Variants in HIBCH observed in about 807,000 individuals in gnomAD.
The protein encoded by HIBCH is 3-hydroxyisobutyryl-CoA hydrolase, mitochondrial.
A neutral mutation model predicts 58.2 loss-of-function variants in HIBCH; 50 were observed. That is an observed-to-expected ratio of 0.86 (90% CI 0.68 to 1.09). HIBCH has a LOEUF of 1.09. Ranked by LOEUF, HIBCH falls within the 50% of genes least tolerant of loss-of-function variation. The probability of loss-of-function intolerance (pLI) is 0.00; values close to 1 mark genes in which losing one functional copy is unlikely to be tolerated. For synonymous variants in HIBCH, 151 were observed against 146.9 expected, an observed-to-expected ratio of 1.03 and a Z score of -0.20; for missense variants, 450 against 449.7, an observed-to-expected ratio of 1.00 and a Z score of -0.01.
chr2:190,314,370 CGTATATATGTGT>C (rs1446531158), intron 1 of HIBCH, among the ~76,000 whole-genome samples: 1,962 of 83,690 alleles, frequency 0.023, 73 homozygotes, highest in African/African-American at 0.08. Flanking sequence ...TATATATATA[CGTATATATGTGT>C]ATATATATGT....
chr2:190,265,647 C>T (rs980662960), intron 6 of HIBCH, among the ~76,000 whole-genome samples: 2 of 152,106 alleles, frequency 1.3e-5, no homozygotes, highest in South Asian at 2.1e-4. Flanking sequence ...GCTTATGGTA[C>T]ATTTAGTGTA....
Position 190,217,573 on chromosome 2 carries a change from G to T in HIBCH, c.892-4498C>A, listed in dbSNP as rs940585439. Among the ~76,000 whole-genome samples, 37 of 152,218 alleles carry T rather than the reference G, an allele frequency of 2.4e-4. No individual in the cohort carries two copies. Among genetic ancestry groups the T allele is most frequent in the African/African-American group, 8.4e-4 (35 of 41,506 alleles). On this transcript the variant is annotated intron_variant, in intron 11 of 13. Coordinates refer to ENST00000359678, the MANE Select transcript of HIBCH (RefSeq NM_014362.4). The surrounding 1 kb of genome is among the most constrained non-coding windows in gnomAD (Gnocchi z 4.6). ...TAACCTTTCTACTATGAAAATCAAA[G>T]ACCAATTTTTTAAAAATTATACACT...
intron 11 of HIBCH, among the ~76,000 whole-genome samples, chr2:190,224,199 G>A (rs1217111265): frequency 6.6e-6 from 1 of 152,212 alleles, no homozygotes. Flanking sequence ...AGGCAGCGAG[G>A]CTGGGGAAGG....
intron 6 of HIBCH, among the ~76,000 whole-genome samples, chr2:190,274,457 T>C (rs747771574): frequency 7.2e-5 from 11 of 152,238 alleles, no homozygotes; most frequent in Non-Finnish European, 1.3e-4. Context: ...GGGTAATGTA[T>C]ACGCTCATTA....
rs1250794374 is a variant in HIBCH, at chr2:190,304,234, T to C, written c.78+6520A>G. ...TTTCTGTTGCTCACACCAGAATACCTGAAACTGTGTAATTTGTTAAAAAAA... is the reference window on the plus strand; with the variant it reads ...TTTCTGTTGCTCACACCAGAATACCCGAAACTGTGTAATTTGTTAAAAAAA... On this transcript the variant is annotated intron_variant, in intron 2 of 13. Transcript: ENST00000359678. This position sits in a 1 kb window ranked among gnomAD's most constrained non-coding sequence, Gnocchi z 4.1. Among the ~76,000 whole-genome samples the C allele has an allele frequency of 7.0e-6, 1 of 143,236 alleles. No homozygotes were observed. Among genetic ancestry groups the C allele is most frequent in the Non-Finnish European group, 1.5e-5 (1 of 66,302 alleles). 94.0% of individuals were successfully genotyped at this position (143,236 alleles called of 152,430 possible).
Position 190,281,344 on chromosome 2 carries a change from C to A in HIBCH, c.438+6242G>T, listed in dbSNP as rs1332406458. ...GCTTATATCTTCTGGAGCTGCAGGT[C>A]AAGCTGTACCTGGGGCACTTGAGCC... On this transcript the variant is annotated intron_variant, in intron 6 of 13. Coordinates refer to ENST00000359678, the MANE Select transcript of HIBCH (RefSeq NM_014362.4). The surrounding 1 kb of genome is among the most constrained non-coding windows in gnomAD (Gnocchi z 5.4). Among the ~76,000 whole-genome samples the A allele has an allele frequency of 1.3e-5, 2 of 152,180 alleles. No homozygotes were observed. The highest frequency in any genetic ancestry group is 2.9e-5 in the Non-Finnish European group (2 of 68,034).
exon 2 of HIBCH, chr2:190,189,779 C>T (rs1226412087): frequency 6.6e-6 from 1 of 152,204 alleles, no homozygotes; most frequent in Non-Finnish European, 1.5e-5. Context: ...CATTCTAAAT[C>T]AAAGCACTCT....
At chr2:190,196,915 G>A (rs1227572920) in intron 1 of HIBCH, among the ~76,000 whole-genome samples, 1 of 152,064 alleles carries the variant, frequency 6.6e-6, no homozygotes, top group Non-Finnish European at 1.5e-5. Flanking sequence ...TAGAAGACTG[G>A]GTGTTTATCA....
chr2:190,256,834 C>G (rs1686938059), intron 7 of HIBCH, among the ~76,000 whole-genome samples: 1 of 151,828 alleles, frequency 6.6e-6, no homozygotes, highest in Non-Finnish European at 1.5e-5. Flanking sequence ...AATGTATAAG[C>G]TGAAAAATAC....
Position 190,244,890 on chromosome 2 carries a change from C to T in HIBCH, c.888G>A (p.Leu296=). 1 of 1,600,446 alleles carries T rather than the reference C, an allele frequency of 6.2e-7. No individual in the cohort carries two copies. The highest frequency in any genetic ancestry group is 8.6e-7 in the Non-Finnish European group (1 of 1,167,550). ...GCAGAAAGGATTCCAATATTACCTT[C>T]AATTGCTCTAGGGCAAAAGATGAAC... The part of the protein sequence containing the change: ...QDGSSFALEQ[L]KVINKMSPTS... The change falls in exon 11 of 14, where the codon TTG becomes TTA. Residue 296 remains leucine, a synonymous_variant. Transcript: ENST00000359678.
chr2:190,274,536 A>T (rs1327908171), intron 6 of HIBCH, among the ~76,000 whole-genome samples: 1 of 152,168 alleles, frequency 6.6e-6, no homozygotes, highest in African/African-American at 2.4e-5. Flanking sequence ...ACACTTTAAA[A>T]CTTAATTTTC....
chr2:190,267,770 A>G (rs866271986), intron 6 of HIBCH, among the ~76,000 whole-genome samples: 3 of 152,252 alleles, frequency 2.0e-5, no homozygotes, highest in Non-Finnish European at 4.4e-5. Flanking sequence ...GAGCTAAGCC[A>G]TATCTTCTAA....
intron 6 of HIBCH, among the ~76,000 whole-genome samples, chr2:190,287,040 G>GTC (rs1687847683): frequency 1.4e-5 from 2 of 143,882 alleles, no homozygotes; most frequent in African/African-American, 5.4e-5. Flanking sequence ...GTGTGTGTGT[G>GTC]TGTGTGTGTG....
In HIBCH at chr2:190,243,127, C is replaced by T. The variant is rs1686501030; in HGVS notation, c.891+1760G>A. On this transcript the variant is annotated intron_variant, in intron 11 of 13. Transcript: ENST00000359678. This position sits in a 1 kb window ranked among gnomAD's most constrained non-coding sequence, Gnocchi z 4.1. ...TGAGGGTGTTGCCAAAAGAGATTAA[C>T]ATTTGAGTCAGTGGGCTGGGCAAGG... 6.6e-6 allele frequency among the ~76,000 whole-genome samples: 1 copy of T among 152,168 alleles called. No homozygotes were observed. Among genetic ancestry groups the T allele is most frequent in the Admixed American group, 6.5e-5 (1 of 15,282 alleles).
intron 2 of HIBCH, among the ~76,000 whole-genome samples, chr2:190,307,562 G>C (rs974864955): frequency 1.3e-5 from 2 of 152,048 alleles, no homozygotes; most frequent in Non-Finnish European, 1.5e-5. Flanking sequence ...CTAGCTACTC[G>C]GGAGGCTAAG....
At chr2:190,220,087 G>C (rs144818580) in intron 11 of HIBCH, among the ~76,000 whole-genome samples, 1 of 152,294 alleles carries the variant, frequency 6.6e-6, no homozygotes, top group East Asian at 1.9e-4. Context: ...GATCTGACTT[G>C]TTGGCTATAA....
chr2:190,242,415 A>T (rs190263634), intron 11 of HIBCH, among the ~76,000 whole-genome samples: 8 of 152,106 alleles, frequency 5.3e-5, no homozygotes, highest in African/African-American at 1.9e-4. Flanking sequence ...TATGAAGCCT[A>T]CTTCTGTCAA....
At chr2:190,225,075 A>G (rs1023814925) in intron 11 of HIBCH, among the ~76,000 whole-genome samples, 9 of 152,358 alleles carry the variant, frequency 5.9e-5, no homozygotes, top group Middle Eastern at 3.4e-3. Flanking sequence ...AACCAGTGAG[A>G]ACAAAGACAC....
intron 2 of HIBCH, among the ~76,000 whole-genome samples, chr2:190,302,142 T>A (rs1688280356): frequency 6.6e-6 from 1 of 152,174 alleles, no homozygotes; most frequent in Non-Finnish European, 1.5e-5. Context: ...GCTTTACTTC[T>A]CCTAAAGGGC....
Sources: gnomAD v4.1 joint callset for allele counts (sites outside exome capture counted in the v4.1 genomes callset) on GRCh38, gnomAD v4.1.1 for gene constraint, Gnocchi (gnomAD v3.1) non-coding constraint, MANE v1.5 for transcripts, NCBI Gene and HGNC (gene_info 2026-07-23, HGNC 2026-07-21) for gene names.